Variants in UTRN observed in about 807,000 individuals in gnomAD.
The protein encoded by UTRN is utrophin.
Under a neutral mutation model 463.9 loss-of-function variants are expected in UTRN, and 283 were observed. That is an observed-to-expected ratio of 0.61 (90% CI 0.55 to 0.67). UTRN has a LOEUF of 0.67. Ranked by LOEUF, UTRN falls within the 30% of genes least tolerant of loss-of-function variation. The pLI, the probability that UTRN is intolerant of heterozygous loss-of-function variation, is 0.00. For missense variants in UTRN, 3,922 were observed against 4,084.3 expected (o/e 0.96, Z 1.08); for synonymous variants, 1,442 against 1,431.5 (o/e 1.01, Z -0.17).
chr6:144,755,983 A>T (rs1056939674), intron 57 of UTRN, among the ~76,000 whole-genome samples: 1 of 151,148 alleles, frequency 6.6e-6, no homozygotes, highest in African/African-American at 2.4e-5. Flanking sequence ...CACTGCCCCC[A>T]CCCCTACCTC....
At chr6:144,478,498 G>A (rs1235680212) in intron 25 of UTRN, among the ~76,000 whole-genome samples, 1 of 152,200 alleles carries the variant, frequency 6.6e-6, no homozygotes, top group African/African-American at 2.4e-5. Flanking sequence ...GCCAGGCTTG[G>A]GAATGGGATT....
intron 74 of UTRN, among the ~76,000 whole-genome samples, chr6:144,849,134 C>T (rs558311332): frequency 1.2e-4 from 19 of 152,044 alleles, no homozygotes; most frequent in East Asian, 1.2e-3. Context: ...ATGGGTTTTG[C>T]GGATCACAGG....
chr6:144,310,137 T>C (rs1806112671), intron 2 of UTRN, among the ~76,000 whole-genome samples: 6 of 152,282 alleles, frequency 3.9e-5, no homozygotes, highest in Admixed American at 3.9e-4. Context: ...GCCTGACACA[T>C]AGTATGTGCT....
At chr6:144,440,130 G>T (rs1192427436) in intron 12 of UTRN, among the ~76,000 whole-genome samples, 1 of 152,136 alleles carries the variant, frequency 6.6e-6, no homozygotes, top group Non-Finnish European at 1.5e-5. Context: ...ATCTCCATTT[G>T]CAGTCTGTTA....
At chr6:144,448,328 G>A (rs1437109632) in intron 16 of UTRN, among the ~76,000 whole-genome samples, 4 of 152,212 alleles carry the variant, frequency 2.6e-5, no homozygotes, top group Admixed American at 1.3e-4. Flanking sequence ...CATAGGAAAT[G>A]TCCACAAGGG....
chr6:144,605,533 A>G lies in UTRN; in HGVS notation c.7479+28245A>G, dbSNP rs1009638572. Among the ~76,000 whole-genome samples, 3 of 152,042 alleles carry G rather than the reference A, an allele frequency of 2.0e-5. No homozygotes were observed. In the East Asian group the frequency reaches 5.8e-4, roughly 29 times the overall value. ...ACTTTTCCATTACCATTCAGTTTTG[A>G]CAAGAGATAACCTGTCAATTATTTG... On this transcript the variant is annotated intron_variant, in intron 51 of 74. Transcript: ENST00000367545.
chr6:144,458,533 G>A (rs1029667620), intron 19 of UTRN, among the ~76,000 whole-genome samples: 59 of 152,302 alleles, frequency 3.9e-4, no homozygotes, highest in African/African-American at 1.4e-3. Context: ...AAGTTCTACT[G>A]ATGTGCCTGA....
intron 51 of UTRN, among the ~76,000 whole-genome samples, chr6:144,651,489 C>T (rs533635516): frequency 7.9e-5 from 12 of 152,182 alleles, no homozygotes; most frequent in Middle Eastern, 3.4e-3. Context: ...CGTTTGATTT[C>T]GAGAGTGTTA....
Position 144,414,089 on chromosome 6 carries a change from CTG to C in UTRN, c.142-7785_142-7784del, listed in dbSNP as rs953889844. On this transcript the variant is annotated intron_variant, in intron 3 of 74. Transcript: ENST00000367545. ...GTGCTGGGATTGCAGGTGTGAGCCA[CTG>C]TGTCTGGTCCATTATTTTAGAGGGT... Among the ~76,000 whole-genome samples, 11 of 151,802 alleles carry C rather than the reference CTG, an allele frequency of 7.2e-5. No homozygotes were observed. In the South Asian group the frequency reaches 1.0e-3, roughly 14 times the overall value.
At chr6:144,595,285 G>A (rs4582403) in intron 51 of UTRN, among the ~76,000 whole-genome samples, 23,682 of 152,040 alleles carry the variant, frequency 0.16, 2,031 homozygotes, top group South Asian at 0.27. Flanking sequence ...TATGGAAATC[G>A]AAATATTAAA....
In UTRN at chr6:144,286,328, G is replaced by C. The variant is rs1483770307; in HGVS notation, c.-93+507G>C. Among the ~76,000 whole-genome samples, 3 of 152,146 alleles carry C rather than the reference G, an allele frequency of 2.0e-5. No individual in the cohort carries two copies. The highest frequency in any genetic ancestry group is 7.2e-5 in the African/African-American group (3 of 41,442). On this transcript the variant is annotated intron_variant, in intron 1 of 74. Coordinates refer to ENST00000367545, the MANE Select transcript of UTRN (RefSeq NM_007124.3). The surrounding 1 kb of genome is among the most constrained non-coding windows in gnomAD (Gnocchi z 4.4). ...GAGGGTGGGCAGAGGGTGGCTGTGTGGTCGGCGGCCAGCGGAGCGCTTCCC... is the reference window on the plus strand; with the variant it reads ...GAGGGTGGGCAGAGGGTGGCTGTGTCGTCGGCGGCCAGCGGAGCGCTTCCC...
intron 51 of UTRN, among the ~76,000 whole-genome samples, chr6:144,603,133 G>C (rs919076930): frequency 6.6e-6 from 1 of 151,992 alleles, no homozygotes. Context: ...AAGCATATTT[G>C]TATTTCTTTA....
At position 144,820,926 on chromosome 6, in the gene UTRN, G is replaced by A. The variant is rs1482152438; in HGVS notation, c.9402G>A (p.Lys3134=). 1 of 1,613,734 alleles carries A rather than the reference G, an allele frequency of 6.2e-7. No individual in the cohort carries two copies. Among genetic ancestry groups the A allele is most frequent in the Non-Finnish European group, 8.5e-7 (1 of 1,179,836 alleles). The stretch of plus-strand genomic sequence containing the variant: ...TACGAGACTTCACAAAGGTACTTAA[G>A]AACAAGTTCAGGTCGAAGAAGTACT... ...EDVRDFTKVL[K]NKFRSKKYFA... Residue 3134 remains lysine (K), a synonymous_variant, in exon 66 of 75, where the codon AAG becomes AAA. Transcript: ENST00000367545.
chr6:144,635,556 T>A (rs1777083722), intron 51 of UTRN, among the ~76,000 whole-genome samples: 1 of 132,804 alleles, frequency 7.5e-6, no homozygotes, highest in African/African-American at 3.0e-5. Context: ...TTTTTTTTTT[T>A]TGAGAGGGAG....
intron 32 of UTRN, among the ~76,000 whole-genome samples, chr6:144,491,515 G>T (rs1448543592): frequency 6.6e-6 from 1 of 152,084 alleles, no homozygotes; most frequent in Non-Finnish European, 1.5e-5. Flanking sequence ...AATTTCAATA[G>T]AAATTTAAAC....
At chr6:144,779,491 A>G (rs893377178) in intron 60 of UTRN, among the ~76,000 whole-genome samples, 1 of 152,216 alleles carries the variant, frequency 6.6e-6, no homozygotes, top group Non-Finnish European at 1.5e-5. Flanking sequence ...AAAATAGTAA[A>G]AGACAAAATA....
In UTRN at chr6:144,473,708, A is replaced by C. The variant is rs1033960700; in HGVS notation, c.3067-12A>C. 3 of 1,610,798 alleles carry C rather than the reference A, an allele frequency of 1.9e-6. No homozygotes were observed. Among genetic ancestry groups the C allele is most frequent in the Non-Finnish European group, 2.5e-6 (3 of 1,177,238 alleles). ...CGAAGTAATATCCCCCTCTGTTATC[A>C]TGTTCGATTAGGCCGATTCAACAGT... On this transcript the variant is annotated splice_polypyrimidine_tract_variant and intron_variant, in intron 23 of 74. Transcript: ENST00000367545.
At chr6:144,581,117 G>T (rs1215219277) in intron 51 of UTRN, among the ~76,000 whole-genome samples, 2 of 152,206 alleles carry the variant, frequency 1.3e-5, no homozygotes, top group African/African-American at 4.8e-5. Flanking sequence ...TGAAGCATTG[G>T]AGTAACATCC....
chr6:144,605,315 A>G (rs1040024613), intron 51 of UTRN, among the ~76,000 whole-genome samples: 1 of 152,158 alleles, frequency 6.6e-6, no homozygotes, highest in Non-Finnish European at 1.5e-5. Context: ...GGTTTGCTAT[A>G]CACAGAATCA....
Sources: allele counts gnomAD v4.1 joint callset (sites outside exome capture counted in the v4.1 genomes callset), GRCh38; gene constraint gnomAD v4.1.1; non-coding constraint Gnocchi (gnomAD v3.1); transcripts MANE v1.5; gene names NCBI Gene and HGNC (gene_info 2026-07-23, HGNC 2026-07-21).